LARP6: variants seen among roughly 807,000 people sequenced by gnomAD.
LARP6 encodes the protein La ribonucleoprotein 6, translational regulator, also known as la-related protein 6.
Under a neutral mutation model 32.8 loss-of-function variants are expected in LARP6, and 18 were observed. The ratio of observed to expected loss-of-function variants is 0.55; its 90% CI spans 0.38 to 0.81. LARP6 has a LOEUF of 0.81. Ranked by LOEUF, LARP6 falls within the 40% of genes least tolerant of loss-of-function variation. The pLI, the probability that LARP6 is intolerant of heterozygous loss-of-function variation, is 0.00. For missense variants in LARP6, 598 were observed against 663.1 expected, an observed-to-expected ratio of 0.90 and a Z score of 1.08; for synonymous variants, 289 against 267.2, an observed-to-expected ratio of 1.08 and a Z score of -0.80.
At chr15:70,853,058 T>C (rs529609929) in intron 1 of LARP6, among the ~76,000 whole-genome samples, 1 of 152,344 alleles carries the variant, frequency 6.6e-6, no homozygotes, top group South Asian at 2.1e-4. Context: ...TCTATGTCTA[T>C]GTTTTATCTC....
chr15:70,850,800 A>G (rs1368572712), intron 1 of LARP6, among the ~76,000 whole-genome samples: 1 of 151,706 alleles, frequency 6.6e-6, no homozygotes, highest in Non-Finnish European at 1.5e-5. Context: ...AGTTTATAAG[A>G]AGCACATGGT....
Position 70,853,661 on chromosome 15 carries a change from C to A in LARP6, c.200+228G>T, listed in dbSNP as rs560058805. On this transcript the variant is annotated intron_variant, in intron 1 of 2. Transcript: ENST00000299213. Reference sequence around the variant, plus strand: ...ACGTCCAGGCCCCTCAGATCCCGGCCGCCAGCCCTGGGAGCCTCGGTTGGG... The same window carrying A: ...ACGTCCAGGCCCCTCAGATCCCGGCAGCCAGCCCTGGGAGCCTCGGTTGGG... 6.9e-4 allele frequency: 228 copies of A among 331,426 alleles called. 4 individuals are homozygous for A. In the East Asian group the frequency reaches 0.011, roughly 15 times the overall value. The allele number at this position is 331,426 out of a possible 1,614,324, so 20.5% of individuals were successfully genotyped here. A position where few individuals can be genotyped will look rare whatever the true frequency, so the allele number is the denominator to read the frequency against.
In LARP6 at chr15:70,846,887, C is replaced by T. The variant is rs139542920; in HGVS notation, c.200+7002G>A. Among the ~76,000 whole-genome samples, 82 of 152,292 alleles carry T rather than the reference C, an allele frequency of 5.4e-4. No homozygotes were observed. In the East Asian group the frequency reaches 0.012, roughly 22 times the overall value. Reference sequence around the variant, plus strand: ...CTCTCTCGGGTCTAAATTCTAGTCACACATTAAGGTCCATCTTAAATGCAA... The same window carrying T: ...CTCTCTCGGGTCTAAATTCTAGTCATACATTAAGGTCCATCTTAAATGCAA... On this transcript the variant is annotated intron_variant, in intron 1 of 2. Transcript: ENST00000299213.
chr15:70,847,674 G>A (rs1323961522), intron 1 of LARP6, among the ~76,000 whole-genome samples: 1 of 152,002 alleles, frequency 6.6e-6, no homozygotes, highest in African/African-American at 2.4e-5. Flanking sequence ...ATGATTTAGA[G>A]AAACAAAAGG....
rs2032040188 is a variant in LARP6 at position 70,831,527 on chromosome 15, A to T, written c.*525T>A. 1 of 152,258 alleles carries T rather than the reference A, an allele frequency of 6.6e-6. No individual in the cohort carries two copies. The highest frequency in any genetic ancestry group is 2.4e-5 in the African/African-American group (1 of 41,444). The allele number at this position is 152,258 out of a possible 1,614,324, so 9.4% of individuals were successfully genotyped here. A position where few individuals can be genotyped will look rare whatever the true frequency, so the allele number is the denominator to read the frequency against. On this transcript the variant is annotated 3_prime_UTR_variant, in exon 3 of 3. Coordinates refer to ENST00000299213, the MANE Select transcript of LARP6 (RefSeq NM_018357.4). ...CAGACTTTTGTCAGGCACAATCTATAACCTCAAAGTCAGCACTCCCAGTTG... is the reference window on the plus strand; with the variant it reads ...CAGACTTTTGTCAGGCACAATCTATTACCTCAAAGTCAGCACTCCCAGTTG...
intron 1 of LARP6, among the ~76,000 whole-genome samples, chr15:70,837,396 T>C (rs1010505004): frequency 6.6e-6 from 1 of 151,938 alleles, no homozygotes; most frequent in African/African-American, 2.4e-5. Flanking sequence ...ATAATAATAA[T>C]AATAATTATT....
chr15:70,843,424 C>T (rs1158154235), intron 1 of LARP6, among the ~76,000 whole-genome samples: 2 of 152,096 alleles, frequency 1.3e-5, no homozygotes, highest in Admixed American at 1.3e-4. Flanking sequence ...CTAGAGGTAA[C>T]TTCTCTTCAG....
chr15:70,851,589 C>T (rs2032452706), intron 1 of LARP6: 1 of 1,592,012 alleles, frequency 6.3e-7, no homozygotes, highest in Non-Finnish European at 8.6e-7. Context: ...ATCTCAACAC[C>T]ATTGAGTGAG....
chr15:70,846,235 A>C (rs2032342979), intron 1 of LARP6, among the ~76,000 whole-genome samples: 1 of 152,168 alleles, frequency 6.6e-6, no homozygotes, highest in Non-Finnish European at 1.5e-5. Context: ...AGAGTATGTC[A>C]CTGCTTTACT....
chr15:70,852,939 C>A (rs2032514321), intron 1 of LARP6, among the ~76,000 whole-genome samples: 1 of 152,170 alleles, frequency 6.6e-6, no homozygotes, highest in South Asian at 2.1e-4. Context: ...CCTGCAGAAC[C>A]TTAACAGCTA....
In LARP6 at chr15:70,831,618, G is replaced by A. The variant is rs1481757884; in HGVS notation, c.*434C>T. 1.3e-5 allele frequency: 2 copies of A among 153,104 alleles called. No individual in the cohort carries two copies. Among genetic ancestry groups the A allele is most frequent in the South Asian group, 4.1e-4 (2 of 4,838 alleles). The allele number at this position is 153,104 out of a possible 1,614,324, so 9.5% of individuals were successfully genotyped here. A position where few individuals can be genotyped will look rare whatever the true frequency, so the allele number is the denominator to read the frequency against. On this transcript the variant is annotated 3_prime_UTR_variant, in exon 3 of 3. Transcript: ENST00000299213. Reference sequence around the variant, plus strand: ...TGGTCCTACAAGACACCATGCTATAGGCTTAGCTACTTGCTGTTGCACAAG... The same window carrying A: ...TGGTCCTACAAGACACCATGCTATAAGCTTAGCTACTTGCTGTTGCACAAG...
At chr15:70,840,105 A>G (rs1173450975) in intron 1 of LARP6, among the ~76,000 whole-genome samples, 1 of 152,262 alleles carries the variant, frequency 6.6e-6, no homozygotes, top group African/African-American at 2.4e-5. Context: ...CAGCAACACT[A>G]CATGGAGAAA....
intron 1 of LARP6, among the ~76,000 whole-genome samples, chr15:70,852,947 C>G (rs2032514816): frequency 6.6e-6 from 1 of 152,196 alleles, no homozygotes; most frequent in African/African-American, 2.4e-5. Context: ...ACCTTAACAG[C>G]TAAACGCCTG....
intron 1 of LARP6, among the ~76,000 whole-genome samples, chr15:70,840,118 A>C (rs2032224874): frequency 6.6e-6 from 1 of 152,238 alleles, no homozygotes; most frequent in Non-Finnish European, 1.5e-5. Context: ...TGGAGAAAAG[A>C]GGTCCTCAAA....
chr15:70,854,147 C>A lies in LARP6; in HGVS notation c.-59G>T, dbSNP rs917119922. On this transcript the variant is annotated 5_prime_UTR_variant, in exon 1 of 3. Transcript: ENST00000299213. ...ACGCCGCAAGGCCCAGCCAGCCGGTCGGCAGCGACTGCGACGAGGGGGCGG... is the reference window on the plus strand; with the variant it reads ...ACGCCGCAAGGCCCAGCCAGCCGGTAGGCAGCGACTGCGACGAGGGGGCGG... The A allele has an allele frequency of 1.1e-5, 13 of 1,176,436 alleles. No homozygotes were observed. In the African/African-American group the frequency reaches 1.8e-4, roughly 16 times the overall value. The allele number at this position is 1,176,436 out of a possible 1,614,324, so 72.9% of individuals were successfully genotyped here.
chr15:70,851,902 T>C, intron 1 of LARP6: 1 of 908,648 alleles, frequency 1.1e-6, no homozygotes, highest in Non-Finnish European at 1.6e-6. Flanking sequence ...TCAGAGGACC[T>C]AGAGGTGGGG....
intron 2 of LARP6, among the ~76,000 whole-genome samples, chr15:70,835,144 T>A (rs78812387): frequency 0.014 from 2,075 of 152,298 alleles, 54 homozygotes; most frequent in African/African-American, 0.047. Flanking sequence ...TCTCTGACCA[T>A]TAAAATATCC....
intron 1 of LARP6, chr15:70,851,708 C>CGG (rs2032460893): frequency 6.2e-7 from 1 of 1,613,962 alleles, no homozygotes; most frequent in African/African-American, 1.3e-5. Flanking sequence ...TTGAATTCAC[C>CGG]GAGCTCCTAT....
chr15:70,849,966 C>T (rs1348138149), intron 1 of LARP6, among the ~76,000 whole-genome samples: 1 of 151,722 alleles, frequency 6.6e-6, no homozygotes, highest in African/African-American at 2.4e-5. Context: ...AATAAGTGTA[C>T]AAAAAATGTG....
Sources: allele counts gnomAD v4.1 joint callset (sites outside exome capture counted in the v4.1 genomes callset), GRCh38; gene constraint gnomAD v4.1.1; transcripts MANE v1.5; gene names NCBI Gene and HGNC (gene_info 2026-07-23, HGNC 2026-07-21).